The following CXCL12 variants were observed in gnomAD, a reference collection of about 807,000 sequenced individuals.
CXCL12 encodes the protein stromal cell-derived factor 1.
CXCL12 carries 4 observed loss-of-function variants against 10.7 expected under a neutral mutation model. That is an observed-to-expected ratio of 0.37 (90% CI 0.18 to 0.86). The LOEUF is 0.86. CXCL12 is among the 40% of genes least tolerant of loss of function. The pLI, the probability that CXCL12 is intolerant of heterozygous loss-of-function variation, is 0.43. For synonymous variants in CXCL12, 54 were observed against 45.4 expected (o/e 1.19, Z -0.77); for missense variants, 122 against 110.4 (o/e 1.10, Z -0.47).
chr10:44,373,770 G>A (rs574600767), downstream of CXCL12, among the ~76,000 whole-genome samples: 4 of 152,266 alleles, frequency 2.6e-5, no homozygotes, highest in South Asian at 2.1e-4. Context: ...CTTCGCCCTC[G>A]GGGCCTCTCA....
At chr10:44,378,781 C>G in intron 2 of CXCL12, 58 bp from the exon 3 acceptor site, 9 of 1,542,436 alleles carry the variant, frequency 5.8e-6, no homozygotes, top group Non-Finnish European at 8.1e-6. Context: ...GCGGCTGCAA[C>G]GTGTGCATCC....
At chr10:44,379,662 G>T (rs563763467) in intron 2 of CXCL12, among the ~76,000 whole-genome samples, 2 of 152,138 alleles carry the variant, frequency 1.3e-5, no homozygotes, top group East Asian at 3.9e-4. Flanking sequence ...TTTAGTGTCT[G>T]CTCAGACCTG....
chr10:44,374,103 G>C (rs1266130252), downstream of CXCL12: 1 of 299,522 alleles, frequency 3.3e-6, no homozygotes, highest in Non-Finnish European at 6.6e-6. Context: ...CATCAAGACA[G>C]GACGGACCTT....
intron 2 of CXCL12, among the ~76,000 whole-genome samples, chr10:44,379,193 C>T (rs1588900311): frequency 6.6e-6 from 1 of 151,786 alleles, no homozygotes; most frequent in African/African-American, 2.4e-5. Context: ...GATATAGGGC[C>T]GACTTAAGGA....
chr10:44,383,166 G>A (rs1839683764), intron 1 of CXCL12, among the ~76,000 whole-genome samples: 1 of 152,232 alleles, frequency 6.6e-6, no homozygotes, highest in Non-Finnish European at 1.5e-5. Flanking sequence ...TCTCTCTGTA[G>A]TGCAGCTTGA....
chr10:44,374,862 A>G (rs1318534091), downstream of CXCL12: 1 of 368,816 alleles, frequency 2.7e-6, no homozygotes, highest in African/African-American at 2.1e-5. Context: ...CCTTTTTCCG[A>G]GCACTACTGA....
downstream of CXCL12, among the ~76,000 whole-genome samples, chr10:44,376,233 A>G (rs1839445461): frequency 6.6e-6 from 1 of 152,220 alleles, no homozygotes. Flanking sequence ...CAAATGTTCA[A>G]TGGGCTCCTA....
chr10:44,381,109 G>C (rs1839618765), intron 1 of CXCL12, among the ~76,000 whole-genome samples: 1 of 152,202 alleles, frequency 6.6e-6, no homozygotes. Flanking sequence ...ACAGGCCTGG[G>C]GAGAGCCGGA....
rs1419386696 is a variant in CXCL12 at position 44,377,939 on chromosome 10, A to G, written c.*694T>C. ...ATGAGAAGCAGAAGCAAGATTAAGC[A>G]TGCTCTCGGAGTCGGGGAGAGAGTA... is the stretch of plus-strand genomic sequence containing the variant. On this transcript the variant is annotated 3_prime_UTR_variant, in exon 3 of 3. Transcript: ENST00000343575. 6.5e-6 allele frequency: 10 copies of G among 1,536,622 alleles called. No individual in the cohort carries two copies. The highest frequency in any genetic ancestry group is 1.2e-5 in the South Asian group (1 of 83,572).
At chr10:44,373,382 T>A (rs770976021), downstream of CXCL12, 6 of 1,566,778 alleles carry the variant, frequency 3.8e-6, no homozygotes, top group African/African-American at 6.8e-5. Flanking sequence ...TTAAGGCAGG[T>A]TCCCCCCACA....
intron 2 of CXCL12, among the ~76,000 whole-genome samples, chr10:44,379,060 A>AG (rs1203602877): frequency 6.6e-5 from 10 of 151,476 alleles, no homozygotes; most frequent in African/African-American, 2.4e-4. Flanking sequence ...CAAATACGCC[A>AG]GGGGGGTCAT....
Position 44,385,030 on chromosome 10 carries a change from CG to C in CXCL12, c.-26del, listed in dbSNP as rs1464883110. On this transcript the variant is annotated 5_prime_UTR_variant, in exon 1 of 3. Transcript: ENST00000343575. ...TGGCGCGGGCGGGCGGGCGGGCGGG[CG>C]GACGAGCGCGGGTCGGGGGCCGGAC... 7.0e-7 allele frequency: 1 copy of C among 1,431,704 alleles called. No homozygotes were observed. Among genetic ancestry groups the C allele is most frequent in the Non-Finnish European group, 9.3e-7 (1 of 1,080,276 alleles). The allele number at this position is 1,431,704 out of a possible 1,614,324, so 88.7% of individuals were successfully genotyped here.
downstream of CXCL12, among the ~76,000 whole-genome samples, chr10:44,373,909 C>T (rs1839383998): frequency 6.6e-6 from 1 of 152,176 alleles, no homozygotes; most frequent in South Asian, 2.1e-4. Flanking sequence ...ATAGCGCACC[C>T]CTCATTTGGC....
chr10:44,375,795 T>C (rs1839433061), downstream of CXCL12: 4 of 1,465,194 alleles, frequency 2.7e-6, no homozygotes, highest in Non-Finnish European at 3.6e-6. Flanking sequence ...CCGGTGTGGC[T>C]GGCAGGGCAG....
At chr10:44,372,753 T>G (rs1839346406), downstream of CXCL12, 1 of 1,436,654 alleles carries the variant, frequency 7.0e-7, no homozygotes, top group Admixed American at 2.8e-5. Context: ...TGCCCTGGCC[T>G]CACACTGCTG....
At chr10:44,371,824 G>A (rs776293337), downstream of CXCL12, 4 of 152,278 alleles carry the variant, frequency 2.6e-5, no homozygotes, top group South Asian at 2.1e-4. Context: ...AAAAGTATTC[G>A]TAAGACTGAA....
chr10:44,384,211 G>C (rs1290011623), intron 1 of CXCL12, among the ~76,000 whole-genome samples: 1 of 152,166 alleles, frequency 6.6e-6, no homozygotes, highest in East Asian at 1.9e-4. Flanking sequence ...GGCGTGTGAG[G>C]CTCGGAGGGT....
downstream of CXCL12, chr10:44,372,909 T>C (rs1197677373): frequency 1.3e-6 from 2 of 1,535,828 alleles, no homozygotes; most frequent in Admixed American, 2.0e-5. Flanking sequence ...CCAGGTTGAC[T>C]GGTCCTGGCA....
downstream of CXCL12, chr10:44,376,037 G>A: frequency 6.2e-7 from 1 of 1,610,434 alleles, no homozygotes; most frequent in South Asian, 1.1e-5. Flanking sequence ...CGCCCCCTTA[G>A]ATAAAATTAG....
Sources: allele counts gnomAD v4.1 joint callset (sites outside exome capture counted in the v4.1 genomes callset), GRCh38; gene constraint gnomAD v4.1.1; transcripts MANE v1.5; gene names NCBI Gene and HGNC (gene_info 2026-07-23, HGNC 2026-07-21).